CLCA1: variants seen among roughly 807,000 people sequenced by gnomAD.
The protein encoded by CLCA1 is chloride channel accessory 1, also known as calcium-activated chloride channel regulator 1.
In CLCA1, 59 loss-of-function variants were observed where a neutral mutation model predicts 85.6. The observed-to-expected ratio is 0.69, with a 90% CI of 0.56 to 0.86. The LOEUF (loss-of-function observed/expected upper bound fraction) is 0.86, where lower values mean the gene tolerates loss of function less well. Ranked by LOEUF, CLCA1 falls within the 40% of genes least tolerant of loss-of-function variation. The pLI, the probability that CLCA1 is intolerant of heterozygous loss-of-function variation, is 0.00. For synonymous variants in CLCA1, 396 were observed against 398.3 expected, an observed-to-expected ratio of 0.99 and a Z score of 0.07; for missense variants, 1,022 against 1,101.4, an observed-to-expected ratio of 0.93 and a Z score of 1.02.
At chr1:86,494,657 A>T (rs1280778279) in intron 11 of CLCA1, among the ~76,000 whole-genome samples, 1 of 152,170 alleles carries the variant, frequency 6.6e-6, no homozygotes, top group Non-Finnish European at 1.5e-5. Flanking sequence ...AAAACACATT[A>T]ACAGCTCAAG....
At position 86,491,379 on chromosome 1, in the gene CLCA1, TTCTTAA is replaced by T; in HGVS notation, c.1464+13_1464+18del. 5 of 1,585,346 alleles carry T rather than the reference TTCTTAA, an allele frequency of 3.2e-6. No individual in the cohort carries two copies. In the Admixed American group the frequency reaches 8.6e-5, roughly 27 times the overall value. ...TCTCAGCGCTCCATCCAGGTTGGAG[TTCTTAA>T]TCTTTGGTTTTTCATATTTACACAT... On this transcript the variant is annotated intron_variant, in intron 9 of 13. Transcript: ENST00000394711.
intron 4 of CLCA1, among the ~76,000 whole-genome samples, chr1:86,477,400 TGTC>T (rs1647700937): frequency 6.6e-6 from 1 of 152,244 alleles, no homozygotes; most frequent in Non-Finnish European, 1.5e-5. Context: ...CCTTGCGCGA[TGTC>T]AGTAGAAATC....
At chr1:86,485,628 G>A (rs552642477) in intron 6 of CLCA1, 67 bp downstream of exon 6, 74 of 1,412,340 alleles carry the variant, frequency 5.2e-5, no homozygotes, top group African/African-American at 2.0e-4. Flanking sequence ...ACCCTGACTC[G>A]GAACTAGTTG....
At chr1:86,497,949 G>A (rs1453777096) in intron 12 of CLCA1, among the ~76,000 whole-genome samples, 1 of 151,892 alleles carries the variant, frequency 6.6e-6, no homozygotes. Context: ...TCGAGACCAG[G>A]CTGGCCAACA....
intron 4 of CLCA1, among the ~76,000 whole-genome samples, chr1:86,479,013 A>G (rs1647750446): frequency 6.6e-6 from 1 of 152,212 alleles, no homozygotes; most frequent in African/African-American, 2.4e-5. Flanking sequence ...CTATTATCAC[A>G]ATTATTCAAT....
intron 6 of CLCA1, among the ~76,000 whole-genome samples, chr1:86,486,220 T>C (rs1023940846): frequency 1.9e-4 from 29 of 152,324 alleles, no homozygotes; most frequent in African/African-American, 6.7e-4. Flanking sequence ...TGAGATTTGG[T>C]TGAGGACACA....
chr1:86,476,644 G>T, intron 4 of CLCA1, 91 bp downstream of exon 4: 1 of 556,228 alleles, frequency 1.8e-6, no homozygotes, highest in South Asian at 3.4e-5. Context: ...GTGTGTCCTG[G>T]CTTATTTTCT....
At chr1:86,485,175 T>A (rs1390972439) in intron 5 of CLCA1, among the ~76,000 whole-genome samples, 168 bp from the exon 6 acceptor site, 1 of 152,104 alleles carries the variant, frequency 6.6e-6, no homozygotes, top group Admixed American at 6.5e-5. Flanking sequence ...AGGCCTGGTT[T>A]AAGGTAGGAA....
In CLCA1 at chr1:86,482,268, C is replaced by CA; in HGVS notation, c.625dup (p.Arg209LysfsTer6). The CA allele has an allele frequency of 1.9e-6, 3 of 1,613,678 alleles. 1 individual carries two copies. Among genetic ancestry groups the CA allele is most frequent in the South Asian group, 2.2e-5 (2 of 91,052 alleles). The stretch of plus-strand genomic sequence containing the variant: ...AGTGTCAGGGAGGCAGCTGTTACAC[C>CA]AAAAGATGCACATTCAATAAAGTAA... On this transcript the variant is annotated frameshift_variant, in exon 5 of 14. Transcript: ENST00000394711. LOFTEE classifies it high-confidence loss of function.
Position 86,500,109 on chromosome 1 carries a change from C to A in CLCA1, c.*64C>A. On this transcript the variant is annotated 3_prime_UTR_variant, in exon 14 of 14. Coordinates refer to ENST00000394711, the MANE Select transcript of CLCA1 (RefSeq NM_001285.4). ...TCCTTTTTTTTGATTATAAAATTTT[C>A]TAAAATGTATTTTAGACTTCCTGTA... 1 of 1,168,810 alleles carries A rather than the reference C, an allele frequency of 8.6e-7. No homozygotes were observed. 72.4% of individuals were successfully genotyped at this position (1,168,810 alleles called of 1,614,324 possible). A position where few individuals can be genotyped will look rare whatever the true frequency, so the allele number is the denominator to read the frequency against.
chr1:86,474,796 T>C (rs909510781), intron 3 of CLCA1, among the ~76,000 whole-genome samples: 11 of 152,130 alleles, frequency 7.2e-5, no homozygotes, highest in African/African-American at 2.7e-4. Context: ...GGAGGAAATA[T>C]TAAACAAGTA....
At chr1:86,482,409 C>T in intron 5 of CLCA1, 27 bp downstream of exon 5, 1 of 1,596,616 alleles carries the variant, frequency 6.3e-7, no homozygotes, top group South Asian at 1.1e-5. Context: ...CACCCCCTCC[C>T]CCAGATTCTT....
At chr1:86,475,904 A>T (rs1209923762) in intron 3 of CLCA1, among the ~76,000 whole-genome samples, 1 of 152,200 alleles carries the variant, frequency 6.6e-6, no homozygotes, top group Non-Finnish European at 1.5e-5. Context: ...ACCCTGAAGG[A>T]TGGAGACATG....
intron 6 of CLCA1, among the ~76,000 whole-genome samples, chr1:86,485,960 C>G (rs986067156): frequency 1.3e-5 from 2 of 151,492 alleles, no homozygotes; most frequent in Non-Finnish European, 2.9e-5. Flanking sequence ...CTGGGGAGGC[C>G]TCAGGAAATT....
chr1:86,491,330 CT>C lies in CLCA1; in HGVS notation c.1426del (p.Ser476HisfsTer19). ...NNGLIDAFGA[L>X]SSGNGAVSQR... Reference sequence around the variant, plus strand: ...TGGCCTCATTGATGCTTTTGGGGCCCTTTCATCAGGAAATGGAGCTGTCTCT... The same window carrying C: ...TGGCCTCATTGATGCTTTTGGGGCCCTTCATCAGGAAATGGAGCTGTCTCT... On this transcript the variant is annotated frameshift_variant, in exon 9 of 14. Transcript: ENST00000394711. LOFTEE classifies it high-confidence loss of function. The C allele has an allele frequency of 6.2e-7, 1 of 1,613,588 alleles. No individual in the cohort carries two copies. Among genetic ancestry groups the C allele is most frequent in the Non-Finnish European group, 8.5e-7 (1 of 1,179,676 alleles).
intron 9 of CLCA1, among the ~76,000 whole-genome samples, chr1:86,491,866 T>C (rs1408529633): frequency 1.3e-5 from 2 of 152,136 alleles, no homozygotes; most frequent in Non-Finnish European, 1.5e-5. Flanking sequence ...TGGATCTTGG[T>C]CCTCGGTCTG....
intron 8 of CLCA1, among the ~76,000 whole-genome samples, chr1:86,489,703 G>A (rs1570287650): frequency 6.6e-6 from 1 of 152,308 alleles, no homozygotes; most frequent in East Asian, 1.9e-4. Flanking sequence ...TTCACGTATT[G>A]TGTGTCTAAC....
At chr1:86,482,864 G>T (rs1647856201) in intron 5 of CLCA1, among the ~76,000 whole-genome samples, 1 of 152,100 alleles carries the variant, frequency 6.6e-6, no homozygotes. Flanking sequence ...AGTTTAAATA[G>T]CTTTAAATAG....
rs556394276 is a variant in CLCA1, at chr1:86,493,292, T to A, written c.1465-92T>A. 1.3e-5 allele frequency: 12 copies of A among 955,904 alleles called. No individual in the cohort carries two copies. In the African/African-American group the frequency reaches 1.9e-4, roughly 15 times the overall value. 59.2% of individuals were successfully genotyped at this position (955,904 alleles called of 1,614,324 possible). ...GATTCAGGCATCACTGAAGTCTTTT[T>A]AATGGCGCACTGGGGAGACAGGGGC... is the stretch of plus-strand genomic sequence containing the variant. On this transcript the variant is annotated intron_variant, in intron 9 of 13. Transcript: ENST00000394711.
Sources: allele counts gnomAD v4.1 joint callset (sites outside exome capture counted in the v4.1 genomes callset), GRCh38; gene constraint gnomAD v4.1.1; transcripts MANE v1.5; gene names NCBI Gene and HGNC (gene_info 2026-07-23, HGNC 2026-07-21).